Variants in ANKRD11 observed in about 807,000 individuals in gnomAD.
ANKRD11 encodes the protein ankyrin repeat domain 11, also known as ankyrin repeat domain-containing protein 11.
In ANKRD11, 17 loss-of-function variants were observed where a neutral mutation model predicts 195.7. The observed-to-expected ratio is 0.09, with a 90% CI of 0.06 to 0.13. ANKRD11 has a LOEUF of 0.13. ANKRD11 is among the 10% of genes least tolerant of loss of function. The probability of loss-of-function intolerance (pLI) is 1.00; values close to 1 mark genes in which losing one functional copy is unlikely to be tolerated. For synonymous variants in ANKRD11, 1,953 were observed against 1,528.1 expected (o/e 1.28, Z -6.49); for missense variants, 3,735 against 3,566.1 (o/e 1.05, Z -1.21).
At chr16:89,437,599 C>T (rs1410555796) in intron 1 of ANKRD11, among the ~76,000 whole-genome samples, 1 of 152,200 alleles carries the variant, frequency 6.6e-6, no homozygotes, top group Non-Finnish European at 1.5e-5. Context: ...CTCCCAAGAG[C>T]CCACTCACCA....
At chr16:89,403,228 G>C (rs959850826) in intron 2 of ANKRD11, among the ~76,000 whole-genome samples, 1 of 152,112 alleles carries the variant, frequency 6.6e-6, no homozygotes, top group East Asian at 1.9e-4. Flanking sequence ...TCTGCTTTAC[G>C]GGCACTGACA....
At chr16:89,441,278 CTGGAG>C (rs1255712654) in intron 1 of ANKRD11, among the ~76,000 whole-genome samples, 1 of 151,960 alleles carries the variant, frequency 6.6e-6, no homozygotes, top group Non-Finnish European at 1.5e-5. Flanking sequence ...CTAAAACCCT[CTGGAG>C]TGAAGTCCTA....
At chr16:89,447,775 A>C (rs2965816) in intron 1 of ANKRD11, among the ~76,000 whole-genome samples, 75,951 of 150,688 alleles carry the variant, frequency 0.5, 19,348 homozygotes, top group Middle Eastern at 0.66. Flanking sequence ...GCATTTATCT[A>C]ATATTTTCCT....
chr16:89,319,614 C>A (rs2037182126), intron 2 of ANKRD11, among the ~76,000 whole-genome samples: 1 of 152,194 alleles, frequency 6.6e-6, no homozygotes, highest in Non-Finnish European at 1.5e-5. Context: ...GCCCTGCAAC[C>A]CCAGCCCCCG....
chr16:89,373,061 T>C (rs1282179987), intron 2 of ANKRD11: 1 of 152,232 alleles, frequency 6.6e-6, no homozygotes, highest in South Asian at 2.1e-4. Flanking sequence ...TCTGTCCCCA[T>C]TGTCGCTGTC....
At chr16:89,379,916 C>G (rs1019428754) in intron 2 of ANKRD11, among the ~76,000 whole-genome samples, 1 of 152,096 alleles carries the variant, frequency 6.6e-6, no homozygotes, top group Non-Finnish European at 1.5e-5. Context: ...AGACACTGAC[C>G]TTTTCAGTTT....
chr16:89,329,009 G>GA (rs2037903512), intron 2 of ANKRD11: 1 of 137,836 alleles, frequency 7.3e-6, no homozygotes, highest in East Asian at 2.2e-4. Context: ...GCGCACGGGC[G>GA]AATCTGCAGA....
chr16:89,299,960 G>A (rs532152520), intron 4 of ANKRD11: 8 of 186,114 alleles, frequency 4.3e-5, no homozygotes, highest in South Asian at 2.0e-4. Context: ...TGCCCTGTGT[G>A]AGGTGCCTGC....
intron 12 of ANKRD11, among the ~76,000 whole-genome samples, chr16:89,269,546 G>C (rs2032955007): frequency 6.6e-6 from 1 of 151,000 alleles, no homozygotes; most frequent in African/African-American, 2.5e-5. Context: ...AAACTCCGGT[G>C]AGTCACTGAA....
At chr16:89,384,451 T>G (rs115046776) in intron 2 of ANKRD11, among the ~76,000 whole-genome samples, 3,130 of 151,232 alleles carry the variant, frequency 0.021, 124 homozygotes, top group African/African-American at 0.072. Context: ...CAGAACGGGA[T>G]GGGATGAAAT....
chr16:89,383,511 G>A (rs890914906), intron 2 of ANKRD11, among the ~76,000 whole-genome samples: 6 of 152,224 alleles, frequency 3.9e-5, no homozygotes, highest in Admixed American at 3.3e-4. Context: ...TCCAGTGGAC[G>A]CTGCTGCCTC....
chr16:89,380,546 G>T (rs1372587100), intron 2 of ANKRD11, among the ~76,000 whole-genome samples: 1 of 114,818 alleles, frequency 8.7e-6, no homozygotes, highest in African/African-American at 3.5e-5. Flanking sequence ...AGGGCACGAA[G>T]AGCAGCCCCA....
chr16:89,291,125 C>T lies in ANKRD11; in HGVS notation c.285G>A (p.Gly95=). The T allele has an allele frequency of 6.2e-7, 1 of 1,614,000 alleles. No homozygotes were observed. Among genetic ancestry groups the T allele is most frequent in the Non-Finnish European group, 8.5e-7 (1 of 1,179,986 alleles). ...IKKEPVTRKA[G]LLFGMGLSGI... is the part of the protein sequence containing the mutation. Reference sequence around the variant, plus strand: ...CAGACAGCCCCATGCCAAACAGCAGCCCGGCCTTCCGGGTGACAGGCTCCT... The same window carrying T: ...CAGACAGCCCCATGCCAAACAGCAGTCCGGCCTTCCGGGTGACAGGCTCCT... The change falls in exon 5 of 13, where the codon GGG becomes GGA. Residue 95 remains glycine, a synonymous_variant. Coordinates refer to ENST00000301030, the MANE Select transcript of ANKRD11 (RefSeq NM_013275.6). The surrounding 1 kb of genome is among the most constrained non-coding windows in gnomAD (Gnocchi z 5.3).
intron 2 of ANKRD11, among the ~76,000 whole-genome samples, chr16:89,331,295 T>C (rs1038536578): frequency 6.6e-6 from 1 of 152,216 alleles, no homozygotes; most frequent in Admixed American, 6.5e-5. Context: ...GTGTTTCTTT[T>C]TACTCTATAA....
In ANKRD11 at chr16:89,285,140, G is replaced by A. The variant is rs555075240; in HGVS notation, c.1402C>T (p.Arg468Cys). ...AACTTGTCGCTCCGCTTTCCGAAGC[G>A]AACCTCTCTGCCTTTTGTTTCTTTC... ...RKKETKGREV[R>C]FGKRSDKFCS... Residue 468 changes from arginine (R) to cysteine (C), a missense_variant, in exon 9 of 13, where the codon CGC (arginine) becomes TGC (cysteine). Arg to Cys is a radical substitution (Grantham distance 180, BLOSUM62 -3). Transcript: ENST00000301030. This position sits in a 1 kb window ranked among gnomAD's most constrained non-coding sequence, Gnocchi z 5.6. 2.2e-5 allele frequency: 35 copies of A among 1,613,422 alleles called. No individual in the cohort carries two copies. The highest frequency in any genetic ancestry group is 4.0e-5 in the African/African-American group (3 of 74,928).
intron 1 of ANKRD11, among the ~76,000 whole-genome samples, chr16:89,425,422 G>A (rs902967702): frequency 6.6e-6 from 1 of 152,128 alleles, no homozygotes; most frequent in Non-Finnish European, 1.5e-5. Context: ...AGGACTTAAA[G>A]GGAACACTAA....
intron 1 of ANKRD11, among the ~76,000 whole-genome samples, chr16:89,454,546 T>C (rs543255064): frequency 3.0e-4 from 46 of 152,292 alleles, no homozygotes; most frequent in African/African-American, 1.1e-3. Context: ...ACCAAGCCAC[T>C]ATGAAAGCGG....
chr16:89,422,082 T>C (rs2042534608), intron 1 of ANKRD11: 1 of 152,186 alleles, frequency 6.6e-6, no homozygotes, highest in Non-Finnish European at 1.5e-5. Flanking sequence ...CATCAACCCC[T>C]TTAAGTGGGT....
At chr16:89,387,965 A>G (rs2040997029) in intron 2 of ANKRD11, among the ~76,000 whole-genome samples, 1 of 148,978 alleles carries the variant, frequency 6.7e-6, no homozygotes, top group African/African-American at 2.5e-5. Context: ...GTGAGCCGAG[A>G]TGGTGCCACC....
Sources: gnomAD v4.1 joint callset for allele counts (sites outside exome capture counted in the v4.1 genomes callset) on GRCh38, gnomAD v4.1.1 for gene constraint, Gnocchi (gnomAD v3.1) non-coding constraint, MANE v1.5 for transcripts, NCBI Gene and HGNC (gene_info 2026-07-23, HGNC 2026-07-21) for gene names.